Variants in NFU1 observed in about 807,000 individuals in gnomAD.
NFU1 encodes the protein NFU1 iron-sulfur cluster scaffold homolog, mitochondrial.
NFU1 carries 30 observed loss-of-function variants against 32.2 expected under a neutral mutation model. The ratio of observed to expected loss-of-function variants is 0.93; its 90% confidence interval spans 0.70 to 1.26. The LOEUF is 1.26. Ranked by LOEUF, NFU1 falls within the 50% of genes most tolerant of loss-of-function variation. The pLI is 0.00. For missense variants in NFU1, 306 were observed against 306.6 expected, an observed-to-expected ratio of 1.00 and a Z score of 0.02; for synonymous variants, 112 against 104.6, an observed-to-expected ratio of 1.07 and a Z score of -0.43.
intron 6 of NFU1, among the ~76,000 whole-genome samples, chr2:69,404,615 A>ATATTTTTTTTTTTTTTTTTTTTT (rs1426118283): frequency 2.1e-4 from 15 of 73,010 alleles, no homozygotes; most frequent in African/African-American, 4.4e-4. Context: ...ATCTTAGCAA[A>ATATTTTTTTTTTTTTTTTTTTTT]TTTTTTTTTT....
intron 6 of NFU1, among the ~76,000 whole-genome samples, chr2:69,401,080 T>C (rs1383724503): frequency 6.6e-6 from 1 of 152,242 alleles, no homozygotes; most frequent in African/African-American, 2.4e-5. Flanking sequence ...GACTGTCACA[T>C]GCTGGCTTCA....
chr2:69,425,364 T>C (rs1004322740), intron 2 of NFU1, among the ~76,000 whole-genome samples: 35 of 151,498 alleles, frequency 2.3e-4, no homozygotes, highest in Admixed American at 1.1e-3. Context: ...TTTAATTTTT[T>C]TTTTTTTTGA....
chr2:69,435,193 T>C (rs1673789420), intron 1 of NFU1, among the ~76,000 whole-genome samples: 1 of 152,212 alleles, frequency 6.6e-6, no homozygotes, highest in Non-Finnish European at 1.5e-5. Context: ...AAAGGGCTAT[T>C]ATCATTTAAA....
chr2:69,424,346 T>A (rs1673385511), intron 2 of NFU1, among the ~76,000 whole-genome samples: 1 of 151,618 alleles, frequency 6.6e-6, no homozygotes, highest in Admixed American at 6.6e-5. Flanking sequence ...TGGAGTGCAG[T>A]GGCACAATCA....
chr2:69,397,626 A>AAAAC lies in NFU1; in HGVS notation c.721-1337_721-1336insGTTT, dbSNP rs541901991. ...AGTAAGGTTTTTTTTTTTAAAAAAA[A>AAAAC]TCTAGGCCAGGCACAGTGGCTCATG... On this transcript the variant is annotated intron_variant, in intron 7 of 7. Coordinates refer to ENST00000410022, the MANE Select transcript of NFU1 (RefSeq NM_001002755.4). 1.1e-4 allele frequency among the ~76,000 whole-genome samples: 17 copies of AAAAC among 151,412 alleles called. No individual in the cohort carries two copies. In the South Asian group the frequency reaches 3.3e-3, roughly 30 times the overall value.
intron 5 of NFU1, among the ~76,000 whole-genome samples, chr2:69,409,088 T>C (rs910600435): frequency 1.3e-4 from 20 of 151,910 alleles, no homozygotes; most frequent in African/African-American, 4.8e-4. Context: ...GTGATCCACC[T>C]GCCTCGGCCT....
At chr2:69,437,600 T>C (rs1172507084), upstream of NFU1, 3 of 751,062 alleles carry the variant, frequency 4.0e-6, no homozygotes, top group Non-Finnish European at 6.9e-6. Context: ...TGCGTCACCC[T>C]GACCAAGAGA....
chr2:69,403,877 C>T (rs1159814216), intron 6 of NFU1, among the ~76,000 whole-genome samples: 5 of 150,362 alleles, frequency 3.3e-5, no homozygotes, highest in African/African-American at 9.8e-5. Flanking sequence ...CTCACTCTGT[C>T]GCCCAGGCTG....
intron 5 of NFU1, among the ~76,000 whole-genome samples, chr2:69,409,112 G>A (rs1672798971): frequency 6.6e-6 from 1 of 151,998 alleles, no homozygotes; most frequent in Admixed American, 6.6e-5. Flanking sequence ...AAAGTGCTGG[G>A]ATTACAGGCG....
At chr2:69,429,783 CTT>C (rs1200077560) in intron 2 of NFU1, 2 of 159,836 alleles carry the variant, frequency 1.3e-5, no homozygotes, top group Non-Finnish European at 1.4e-5. Flanking sequence ...AATCCCAGCA[CTT>C]TGGGAGGCTG....
At chr2:69,438,912 C>CCA (rs1434573638), upstream of NFU1, among the ~76,000 whole-genome samples, 52 of 126,926 alleles carry the variant, frequency 4.1e-4, no homozygotes, top group Non-Finnish European at 6.7e-4. Flanking sequence ...ACCCACCCCC[C>CCA]CACACACACC....
At chr2:69,429,977 C>T in intron 2 of NFU1, 1 of 326,772 alleles carries the variant, frequency 3.1e-6, no homozygotes, top group Non-Finnish European at 6.1e-6. Flanking sequence ...TACAGTGAGC[C>T]AAGATCACAT....
At chr2:69,403,902 A>ACC (rs1672605639) in intron 6 of NFU1, among the ~76,000 whole-genome samples, 2 of 150,450 alleles carry the variant, frequency 1.3e-5, no homozygotes, top group Admixed American at 1.3e-4. Flanking sequence ...GCAGTGGTGC[A>ACC]ATCTTGGGTC....
At chr2:69,433,257 C>T (rs937075868) in intron 1 of NFU1, among the ~76,000 whole-genome samples, 19 of 151,862 alleles carry the variant, frequency 1.3e-4, no homozygotes, top group African/African-American at 4.6e-4. Context: ...CGGCTCACTG[C>T]AACCTCCATC....
intron 5 of NFU1, among the ~76,000 whole-genome samples, chr2:69,408,769 T>TATATATACAC (rs1219902624): frequency 1.5e-5 from 2 of 133,648 alleles, no homozygotes; most frequent in Non-Finnish European, 3.2e-5. Context: ...TATATATATA[T>TATATATACAC]ACACACACAC....
rs1224600437 is a variant in NFU1 at position 69,415,213 on chromosome 2, A to T, written c.456T>A (p.Val152=). The T allele has an allele frequency of 6.2e-7, 1 of 1,610,782 alleles. No homozygotes were observed. Among genetic ancestry groups the T allele is most frequent in the Non-Finnish European group, 8.5e-7 (1 of 1,177,092 alleles). The stretch of plus-strand genomic sequence containing the variant: ...CTTCTCCTGAAGGTGTTTCCTCAGT[A>T]ACCAGGGGTAAGCCAGATGCAAAGA... ...MDFFASGLPL[V]TEETPSGEAG... is the part of the protein sequence containing the mutation. The change falls in exon 5 of 8, where the codon GTT becomes GTA. Residue 152 remains valine (V), a synonymous_variant. Transcript: ENST00000410022.
At chr2:69,428,125 A>C (rs1673525926) in intron 2 of NFU1, among the ~76,000 whole-genome samples, 1 of 152,068 alleles carries the variant, frequency 6.6e-6, no homozygotes, top group Non-Finnish European at 1.5e-5. Context: ...ATAACAATTA[A>C]AATTTATTCA....
At chr2:69,434,149 CTTTTTTTTTTT>C (rs1673749912) in intron 1 of NFU1, among the ~76,000 whole-genome samples, 2 of 142,434 alleles carry the variant, frequency 1.4e-5, no homozygotes, top group South Asian at 4.3e-4. Flanking sequence ...TTTTTTTTTT[CTTTTTTTTTTT>C]GTGAGACGGA....
At chr2:69,420,744 G>A (rs1309912307) in intron 3 of NFU1, among the ~76,000 whole-genome samples, 1 of 152,180 alleles carries the variant, frequency 6.6e-6, no homozygotes, top group Non-Finnish European at 1.5e-5. Context: ...AATCATGTAT[G>A]TAGTGACAGG....
Sources: gnomAD v4.1 joint callset for allele counts (sites outside exome capture counted in the v4.1 genomes callset) on GRCh38, gnomAD v4.1.1 for gene constraint, MANE v1.5 for transcripts, NCBI Gene and HGNC (gene_info 2026-07-23, HGNC 2026-07-21) for gene names.